TMEM184B: variants seen among roughly 807,000 people sequenced by gnomAD.
TMEM184B encodes the protein transmembrane protein 184B.
In TMEM184B, 17 loss-of-function variants were observed where a neutral mutation model predicts 41.8. The observed-to-expected ratio is 0.41, with a 90% CI of 0.28 to 0.61. The LOEUF is 0.61. Ranked by LOEUF, TMEM184B falls within the 20% of genes least tolerant of loss-of-function variation. TMEM184B has a pLI of 0.34. For missense variants in TMEM184B, 393 were observed against 557.8 expected (o/e 0.70, Z 2.98); for synonymous variants, 240 against 229.5 (o/e 1.05, Z -0.41).
Position 38,220,216 on chromosome 22 carries a change from A to AG in TMEM184B, c.*1252dup. 1 of 985,634 alleles carries AG rather than the reference A, an allele frequency of 1.0e-6. No homozygotes were observed. 61.1% of individuals were successfully genotyped at this position (985,634 alleles called of 1,614,324 possible). A position where few individuals can be genotyped will look rare whatever the true frequency, so the allele number is the denominator to read the frequency against. On this transcript the variant is annotated 3_prime_UTR_variant, in exon 9 of 9. Transcript: ENST00000361906. ...GGAGGCCCCAGGTCTAGAGGTGTGG[A>AG]GGGGGAGAGGAGGGGCTTGGTGGTC...
intron 1 of TMEM184B, among the ~76,000 whole-genome samples, chr22:38,263,945 C>T (rs1355554397): frequency 1.3e-5 from 2 of 152,168 alleles, no homozygotes; most frequent in East Asian, 1.9e-4. Context: ...GCTGGGATTA[C>T]AGGTGCGTGT....
chr22:38,220,065 G>A lies in TMEM184B; in HGVS notation c.*1404C>T. On this transcript the variant is annotated 3_prime_UTR_variant, in exon 9 of 9. Transcript: ENST00000361906. ...ACCCTACCAGCTTCTCCAGGTGACTGCAGCCCAAACCCAGGGATAATCTGG... is the reference window on the plus strand; with the variant it reads ...ACCCTACCAGCTTCTCCAGGTGACTACAGCCCAAACCCAGGGATAATCTGG... 5 of 985,560 alleles carry A rather than the reference G, an allele frequency of 5.1e-6. No individual in the cohort carries two copies. Among genetic ancestry groups the A allele is most frequent in the Non-Finnish European group, 6.0e-6 (5 of 830,026 alleles). The allele number at this position is 985,560 out of a possible 1,614,324, so 61.1% of individuals were successfully genotyped here.
downstream of TMEM184B, among the ~76,000 whole-genome samples, chr22:38,219,092 C>T (rs1394659031): frequency 5.3e-5 from 8 of 152,186 alleles, no homozygotes; most frequent in East Asian, 1.5e-3. Context: ...TGGGAACTGG[C>T]TGGAGGTTGG....
intron 3 of TMEM184B, among the ~76,000 whole-genome samples, chr22:38,242,070 G>C (rs6001065): frequency 6.6e-6 from 1 of 152,008 alleles, no homozygotes; most frequent in East Asian, 1.9e-4. Context: ...GTGAACTTCA[G>C]AGTGAGGAGT....
In TMEM184B at chr22:38,221,465, G is replaced by A. The variant is rs370456365; in HGVS notation, c.*4C>T. On this transcript the variant is annotated 3_prime_UTR_variant, in exon 9 of 9. Coordinates refer to ENST00000361906, the MANE Select transcript of TMEM184B (RefSeq NM_012264.5). ...GCCAGCACTTCCGCCACTGCAGCCC[G>A]CACCTAGAATTCATCATCAGAGCTG... The A allele has an allele frequency of 3.3e-5, 52 of 1,596,692 alleles. 2 individuals are homozygous for A. The South Asian group carries it at 3.8e-4, about 12-fold the overall frequency.
At chr22:38,218,629 G>A (rs895297337), downstream of TMEM184B, among the ~76,000 whole-genome samples, 2 of 152,160 alleles carry the variant, frequency 1.3e-5, no homozygotes, top group African/African-American at 4.8e-5. Context: ...TGTCCACGGG[G>A]CTTTCTCCCC....
intron 3 of TMEM184B, among the ~76,000 whole-genome samples, chr22:38,243,357 G>A (rs1259551965): frequency 6.6e-6 from 1 of 152,202 alleles, no homozygotes; most frequent in Non-Finnish European, 1.5e-5. Flanking sequence ...CCCGCCTTCT[G>A]CCATGCGCCT....
chr22:38,253,245 C>G (rs1408809196), intron 1 of TMEM184B, among the ~76,000 whole-genome samples: 1 of 152,090 alleles, frequency 6.6e-6, no homozygotes, highest in Non-Finnish European at 1.5e-5. Flanking sequence ...CGAGGCTAAC[C>G]TGATCAACAC....
intron 1 of TMEM184B, among the ~76,000 whole-genome samples, chr22:38,253,995 G>A (rs1442377274): frequency 6.6e-6 from 1 of 152,144 alleles, no homozygotes; most frequent in African/African-American, 2.4e-5. Context: ...GAGGTCAGGA[G>A]TTCGAGATCA....
intron 2 of TMEM184B, chr22:38,246,912 T>C: frequency 5.4e-6 from 7 of 1,288,070 alleles, no homozygotes; most frequent in Non-Finnish European, 7.2e-6. Flanking sequence ...CAAAATATTC[T>C]CCATCTGCTA....
intron 1 of TMEM184B, 90 bp downstream of exon 1, chr22:38,272,794 C>A (rs1387535360): frequency 3.1e-6 from 3 of 982,464 alleles, no homozygotes; most frequent in African/African-American, 3.5e-5. Context: ...GCGTCCCTCG[C>A]GCGGGCCTCT....
Position 38,226,995 on chromosome 22 carries a change from C to CGGAGGGAT in TMEM184B, c.526-133_526-126dup, listed in dbSNP as rs1301385523. ...GAGAGGATGAAGGAGACGGAGAGGA[C>CGGAGGGAT]GGAGGGATGGAGGGACGGAGGGGAT... On this transcript the variant is annotated intron_variant, in intron 5 of 8. Transcript: ENST00000361906. This position sits in a 1 kb window ranked among gnomAD's most constrained non-coding sequence, Gnocchi z 4.6. 7.6e-6 allele frequency: 7 copies of CGGAGGGAT among 926,496 alleles called. No individual in the cohort carries two copies. In the East Asian group the frequency reaches 1.8e-4, roughly 23 times the overall value. 57.4% of individuals were successfully genotyped at this position (926,496 alleles called of 1,614,324 possible). A position where few individuals can be genotyped will look rare whatever the true frequency, so the allele number is the denominator to read the frequency against.
intron 8 of TMEM184B, among the ~76,000 whole-genome samples, chr22:38,224,361 G>A (rs986677624): frequency 3.9e-5 from 6 of 152,138 alleles, no homozygotes; most frequent in Admixed American, 6.5e-5. Context: ...TGATCCACCC[G>A]CCTCGGCCTC....
intron 8 of TMEM184B, chr22:38,222,402 C>T (rs2091286055): frequency 6.2e-6 from 1 of 162,184 alleles, no homozygotes; most frequent in Non-Finnish European, 1.3e-5. Context: ...CCCCGATATC[C>T]CATGAACAGC....
At chr22:38,272,491 CCACT>C (rs1415664482) in intron 1 of TMEM184B, 17 of 985,488 alleles carry the variant, frequency 1.7e-5, no homozygotes, top group Non-Finnish European at 1.9e-5. Context: ...GACGCCTCCC[CCACT>C]CACTCGGCCG....
At position 38,221,334 on chromosome 22, in the gene TMEM184B, G is replaced by A. The variant is rs2091253345; in HGVS notation, c.*135C>T. The A allele has an allele frequency of 1.4e-6, 2 of 1,415,436 alleles. No individual in the cohort carries two copies. Among genetic ancestry groups the A allele is most frequent in the Non-Finnish European group, 9.1e-7 (1 of 1,103,814 alleles). The allele number at this position is 1,415,436 out of a possible 1,614,324, so 87.7% of individuals were successfully genotyped here. On this transcript the variant is annotated 3_prime_UTR_variant, in exon 9 of 9. Coordinates refer to ENST00000361906, the MANE Select transcript of TMEM184B (RefSeq NM_012264.5). ...CCCCGTTCCTCTGGAAGTGACATGT[G>A]AGTGTTTCTGGTCCAATAAATAAAG...
chr22:38,253,975 C>T (rs974931684), intron 1 of TMEM184B, among the ~76,000 whole-genome samples: 11 of 151,898 alleles, frequency 7.2e-5, no homozygotes, highest in African/African-American at 2.7e-4. Flanking sequence ...CCAAGGTGGG[C>T]GGATCACCTG....
intron 3 of TMEM184B, among the ~76,000 whole-genome samples, chr22:38,245,615 T>G (rs948511525): frequency 7.1e-6 from 1 of 141,344 alleles, no homozygotes; most frequent in African/African-American, 2.6e-5. Flanking sequence ...GGGCCCTTGC[T>G]TCCAGGTACC....
intron 1 of TMEM184B, among the ~76,000 whole-genome samples, chr22:38,252,939 G>C (rs536090780): frequency 1.3e-5 from 2 of 151,488 alleles, no homozygotes; most frequent in African/African-American, 4.8e-5. Context: ...TCAGGAGATC[G>C]AGACCAACCT....
Sources: gnomAD v4.1 joint callset for allele counts (sites outside exome capture counted in the v4.1 genomes callset) on GRCh38, gnomAD v4.1.1 for gene constraint, Gnocchi (gnomAD v3.1) non-coding constraint, MANE v1.5 for transcripts, NCBI Gene and HGNC (gene_info 2026-07-23, HGNC 2026-07-21) for gene names.